The following COG6 variants were observed in gnomAD, a reference collection of about 807,000 sequenced individuals.
The protein encoded by COG6 is component of oligomeric golgi complex 6, also known as conserved oligomeric Golgi complex subunit 6.
A neutral mutation model predicts 88.8 loss-of-function variants in COG6; 74 were observed. The observed-to-expected ratio is 0.83, with a 90% CI of 0.69 to 1.01. The LOEUF (loss-of-function observed/expected upper bound fraction) is 1.01. COG6 is among the 50% of genes least tolerant of loss of function. The pLI is 0.00. For missense variants in COG6, 800 were observed against 797.9 expected (o/e 1.00, Z -0.03); for synonymous variants, 286 against 278.7 (o/e 1.03, Z -0.26).
At chr13:39,782,287 G>T (rs1331458762) in intron 18 of COG6, among the ~76,000 whole-genome samples, 1 of 152,100 alleles carries the variant, frequency 6.6e-6, no homozygotes, top group Admixed American at 6.5e-5. Flanking sequence ...TGAAACAACC[G>T]AAAATCTGAA....
intron 18 of COG6, among the ~76,000 whole-genome samples, chr13:39,758,105 A>G (rs564489120): frequency 8.6e-5 from 13 of 151,482 alleles, no homozygotes; most frequent in East Asian, 7.9e-4. Flanking sequence ...CTGTAGTCCC[A>G]GCTACTCGGG....
At chr13:39,750,237 A>T (rs951623785) in intron 18 of COG6, among the ~76,000 whole-genome samples, 2 of 152,212 alleles carry the variant, frequency 1.3e-5, no homozygotes, top group Admixed American at 6.5e-5. Context: ...ATACATGAAT[A>T]GTATGAGTAG....
intron 18 of COG6, among the ~76,000 whole-genome samples, chr13:39,770,204 G>C (rs1046984831): frequency 2.6e-5 from 4 of 152,152 alleles, no homozygotes; most frequent in African/African-American, 9.7e-5. Flanking sequence ...ACACATATTA[G>C]TTAGGTTTTC....
At chr13:39,659,235 C>A in intron 1 of COG6, 129 bp from the exon 2 acceptor site, 1 of 813,400 alleles carries the variant, frequency 1.2e-6, no homozygotes, top group Non-Finnish European at 2.0e-6. Context: ...ATTTGAAGGT[C>A]ATTCAATATT....
At chr13:39,729,996 T>C (rs1364122147) in intron 18 of COG6, among the ~76,000 whole-genome samples, 1 of 152,232 alleles carries the variant, frequency 6.6e-6, no homozygotes, top group Non-Finnish European at 1.5e-5. Context: ...TTTTTGAAAT[T>C]AAATGTTTGT....
intron 13 of COG6, among the ~76,000 whole-genome samples, chr13:39,703,456 A>T (rs1417198458): frequency 6.6e-6 from 1 of 152,094 alleles, no homozygotes; most frequent in African/African-American, 2.4e-5. Flanking sequence ...TTCTTTATGC[A>T]TTAAGAATAT....
Position 39,723,407 on chromosome 13 carries a change from C to A in COG6, c.1659C>A (p.Ile553=). 6.2e-7 allele frequency: 1 copy of A among 1,608,250 alleles called. No homozygotes were observed. Among genetic ancestry groups the A allele is most frequent in the Non-Finnish European group, 8.5e-7 (1 of 1,174,960 alleles). Reference sequence around the variant, plus strand: ...TAACTAGGGTAGGCTTGAGTTACATCTATAACACTGTACAGCAACATAAAC... The same window carrying A: ...TAACTAGGGTAGGCTTGAGTTACATATATAACACTGTACAGCAACATAAAC... ...YVLTRVGLSY[I]YNTVQQHKPE... is the part of the protein sequence containing the mutation. Residue 553 remains isoleucine (I), a synonymous_variant, in exon 16 of 19, where the codon ATC becomes ATA. Coordinates refer to ENST00000455146, the MANE Select transcript of COG6 (RefSeq NM_020751.3).
At chr13:39,779,562 T>G (rs1881566825) in intron 18 of COG6, among the ~76,000 whole-genome samples, 1 of 152,158 alleles carries the variant, frequency 6.6e-6, no homozygotes, top group African/African-American at 2.4e-5. Context: ...ACTTCTCAGG[T>G]TCAACATCAT....
intron 1 of COG6, 72 bp downstream of exon 1, chr13:39,655,951 A>T (rs1376067642): frequency 7.2e-6 from 11 of 1,533,832 alleles, no homozygotes; most frequent in African/African-American, 2.7e-5. Flanking sequence ...GGCGTCTGTC[A>T]GGGACCCACC....
At chr13:39,782,450 A>G (rs902329333) in intron 18 of COG6, among the ~76,000 whole-genome samples, 1 of 152,186 alleles carries the variant, frequency 6.6e-6, no homozygotes, top group Non-Finnish European at 1.5e-5. Context: ...AATGTTGGAC[A>G]TGCTGCTTGT....
chr13:39,680,930 C>CAAGGG (rs1177257627), intron 7 of COG6, among the ~76,000 whole-genome samples: 3 of 152,192 alleles, frequency 2.0e-5, no homozygotes, highest in African/African-American at 7.2e-5. Context: ...GCCTTAATTT[C>CAAGGG]ATTTACAAAG....
chr13:39,661,508 G>A (rs1162474547), intron 3 of COG6, among the ~76,000 whole-genome samples: 1 of 152,136 alleles, frequency 6.6e-6, no homozygotes, highest in Non-Finnish European at 1.5e-5. Flanking sequence ...GTGATTCTAG[G>A]AAGAATCATT....
At chr13:39,675,291 C>T (rs1224742761) in intron 4 of COG6, among the ~76,000 whole-genome samples, 1 of 152,106 alleles carries the variant, frequency 6.6e-6, no homozygotes, top group Non-Finnish European at 1.5e-5. Context: ...TCGTCTCTGG[C>T]ATAGGCCTTA....
At chr13:39,769,742 G>A (rs959482241) in intron 18 of COG6, among the ~76,000 whole-genome samples, 1 of 152,202 alleles carries the variant, frequency 6.6e-6, no homozygotes, top group South Asian at 2.1e-4. Context: ...CGGGGCCTTC[G>A]GTTGGTGATT....
intron 4 of COG6, among the ~76,000 whole-genome samples, chr13:39,669,025 TAC>T (rs60693416): frequency 0.72 from 109,581 of 151,866 alleles, 39,813 homozygotes; most frequent in Admixed American, 0.81. Flanking sequence ...CACGATATAG[TAC>T]ACAGTTCCAT....
At chr13:39,670,958 G>A (rs564328358) in intron 4 of COG6, among the ~76,000 whole-genome samples, 22 of 152,114 alleles carry the variant, frequency 1.4e-4, no homozygotes, top group Middle Eastern at 3.4e-3. Flanking sequence ...TTACAGAAGC[G>A]TATGTGGCAC....
intron 13 of COG6, among the ~76,000 whole-genome samples, chr13:39,718,142 C>A (rs1878633273): frequency 6.6e-6 from 1 of 152,076 alleles, no homozygotes; most frequent in South Asian, 2.1e-4. Context: ...GCATGCTGTG[C>A]ATGGACTATA....
intron 18 of COG6, among the ~76,000 whole-genome samples, chr13:39,783,968 G>A (rs1463401723): frequency 6.6e-6 from 1 of 152,182 alleles, no homozygotes; most frequent in Admixed American, 6.5e-5. Context: ...AGCTAGGCTG[G>A]AAGTGGCCCC....
In COG6 at chr13:39,774,598, A is replaced by C. The variant is rs188123724; in HGVS notation, c.1827-13737A>C. ...TCTTTTTTCTTTTTTTTTTTGAGAC[A>C]GAGTCTCGCTCTGTCACGCAGGCTG... On this transcript the variant is annotated intron_variant, in intron 18 of 18. Coordinates refer to the COG6 transcript ENST00000416691. 7.9e-5 allele frequency among the ~76,000 whole-genome samples: 12 copies of C among 151,604 alleles called. No homozygotes were observed. In the East Asian group the frequency reaches 2.3e-3, roughly 29 times the overall value.
Sources: gnomAD v4.1 joint callset for allele counts (sites outside exome capture counted in the v4.1 genomes callset) on GRCh38, gnomAD v4.1.1 for gene constraint, MANE v1.5 for transcripts, NCBI Gene and HGNC (gene_info 2026-07-23, HGNC 2026-07-21) for gene names.